The following HSPB6 variants were observed in gnomAD, a reference collection of about 807,000 sequenced individuals.
The protein encoded by HSPB6 is heat shock protein family B (small) member 6, also known as heat shock protein beta-6.
A neutral mutation model predicts 10.7 loss-of-function variants in HSPB6; 8 were observed. That is an observed-to-expected ratio of 0.75 (90% CI 0.44 to 1.35). The LOEUF (loss-of-function observed/expected upper bound fraction) is 1.35, where lower values mean the gene tolerates loss of function less well. Among genes scored for constraint, HSPB6 ranks in the 40% most tolerant of loss-of-function variants. The probability of loss-of-function intolerance (pLI) is 0.00; values close to 1 mark genes in which losing one functional copy is unlikely to be tolerated. For synonymous variants in HSPB6, 128 were observed against 114.2 expected (o/e 1.12, Z -0.77); for missense variants, 232 against 236.0 (o/e 0.98, Z 0.11).
Position 35,755,090 on chromosome 19 carries a change from T to C in HSPB6, c.*432A>G. The C allele has an allele frequency of 3.5e-6, 1 of 286,846 alleles. No individual in the cohort carries two copies. Among genetic ancestry groups the C allele is most frequent in the South Asian group, 2.9e-5 (1 of 34,132 alleles). 17.8% of individuals were successfully genotyped at this position (286,846 alleles called of 1,614,324 possible). On this transcript the variant is annotated 3_prime_UTR_variant, in exon 3 of 3. Transcript: ENST00000004982. The stretch of plus-strand genomic sequence containing the variant: ...GGGATTGTGCCTGACTGGCCTGGGG[T>C]TGGGGGAGGGCTGTCTACACCATAA...
Position 35,755,258 on chromosome 19 carries a change from T to C in HSPB6, c.*264A>G. Reference sequence around the variant, plus strand: ...TGGGGCTGAGACTGTCGGCTGAGGGTTAGGGTAGTGCTGGTAGGGTCTGGA... The same window carrying C: ...TGGGGCTGAGACTGTCGGCTGAGGGCTAGGGTAGTGCTGGTAGGGTCTGGA... On this transcript the variant is annotated 3_prime_UTR_variant, in exon 3 of 3. Coordinates refer to ENST00000004982, the MANE Select transcript of HSPB6 (RefSeq NM_144617.3). The C allele has an allele frequency of 1.6e-6, 1 of 621,972 alleles. No homozygotes were observed. The highest frequency in any genetic ancestry group is 2.8e-6 in the Non-Finnish European group (1 of 350,978). The allele number at this position is 621,972 out of a possible 1,614,324, so 38.5% of individuals were successfully genotyped here. A position where few individuals can be genotyped will look rare whatever the true frequency, so the allele number is the denominator to read the frequency against.
At position 35,757,017 on chromosome 19, in the gene HSPB6, T is replaced by A. The variant is rs776326016; in HGVS notation, c.-9A>T. 6.5e-7 allele frequency: 1 copy of A among 1,545,872 alleles called. No individual in the cohort carries two copies. The highest frequency in any genetic ancestry group is 1.2e-5 in the South Asian group (1 of 84,044). On this transcript the variant is annotated 5_prime_UTR_variant, in exon 1 of 3. Transcript: ENST00000004982. ...GGCACAGGGATCTCCATCCTGCTCC[T>A]CCGCGTTGCAGTGCCCCTGCGTGCG...
Position 35,755,657 on chromosome 19 carries a change from C to A in HSPB6, c.348G>T (p.Glu116Asp). 1 of 1,534,580 alleles carries A rather than the reference C, an allele frequency of 6.5e-7. No homozygotes were observed. The highest frequency in any genetic ancestry group is 8.7e-7 in the Non-Finnish European group (1 of 1,144,172). The change falls in exon 3 of 3, where the codon GAG becomes GAT. Residue 116 changes from glutamate to aspartate, a missense_variant. By Grantham distance (45) the Glu-to-Asp change is conservative (BLOSUM62 2). Coordinates refer to ENST00000004982, the MANE Select transcript of HSPB6 (RefSeq NM_144617.3). ...GCGGCAGGCGGTAGCGACGGTGGAA[C>A]TCGCGCGCGACGAATCCGTGCTCAT... The part of the protein sequence containing the change: ...RPDEHGFVAR[E>D]FHRRYRLPPG...
chr19:35,754,781 G>A lies in HSPB6; in HGVS notation c.*741C>T. ...AGGGGGATGGGGTCTGGTTAGAGTT[G>A]GGGAGGGGGCCTAGGACATCCGTGC... On this transcript the variant is annotated 3_prime_UTR_variant, in exon 3 of 3. Transcript: ENST00000004982. 6.4e-6 allele frequency: 3 copies of A among 470,666 alleles called. No homozygotes were observed. The South Asian group carries it at 6.4e-5, about 10-fold the overall frequency. The allele number at this position is 470,666 out of a possible 1,614,324, so 29.2% of individuals were successfully genotyped here. A position where few individuals can be genotyped will look rare whatever the true frequency, so the allele number is the denominator to read the frequency against.
chr19:35,755,646 C>T lies in HSPB6; in HGVS notation c.359G>A (p.Arg120His). The part of the protein sequence containing the change: ...HGFVAREFHR[R>H]YRLPPGVDPA... Reference sequence around the variant, plus strand: ...ATCCACGCCAGGCGGCAGGCGGTAGCGACGGTGGAACTCGCGCGCGACGAA... The same window carrying T: ...ATCCACGCCAGGCGGCAGGCGGTAGTGACGGTGGAACTCGCGCGCGACGAA... The change falls in exon 3 of 3, where the codon CGC (arginine) becomes CAC (histidine). Residue 120 changes from arginine (R) to histidine (H), a missense_variant. Coordinates refer to ENST00000004982, the MANE Select transcript of HSPB6 (RefSeq NM_144617.3). The T allele has an allele frequency of 6.5e-7, 1 of 1,534,004 alleles. No homozygotes were observed. Among genetic ancestry groups the T allele is most frequent in the Non-Finnish European group, 8.7e-7 (1 of 1,144,370 alleles).
chr19:35,755,450 G>T lies in HSPB6; in HGVS notation c.*72C>A, dbSNP rs749062434. 2.1e-5 allele frequency: 30 copies of T among 1,447,658 alleles called. No individual in the cohort carries two copies. The South Asian group carries it at 2.2e-4, about 11-fold the overall frequency. The allele number at this position is 1,447,658 out of a possible 1,614,324, so 89.7% of individuals were successfully genotyped here. ...TGGCGCACTCGGGACATCTGGCTGG[G>T]CGGAGTCAGATCGGCTTTAATAGAG... On this transcript the variant is annotated 3_prime_UTR_variant, in exon 3 of 3. Transcript: ENST00000004982.
In HSPB6 at chr19:35,755,838, C is replaced by T. The variant is rs781461308; in HGVS notation, c.255G>A (p.Pro85=). The T allele has an allele frequency of 5.0e-6, 8 of 1,594,370 alleles. No individual in the cohort carries two copies. In the South Asian group the frequency reaches 6.8e-5, roughly 14 times the overall value. Residue 85 remains proline (P), a synonymous_variant, in exon 2 of 3, where the codon CCG becomes CCA. Transcript: ENST00000004982. ...CCACCACCTTGACAGCAATTTCCTC[C>T]GGCGAGAAGTGCTTCACGTCTAGCA... The part of the protein sequence containing the change: ...SVLLDVKHFS[P]EEIAVKVVGE...
In HSPB6 at chr19:35,755,814, C is replaced by G. The variant is rs1435418315; in HGVS notation, c.279G>C (p.Val93=). The change falls in exon 2 of 3, where the codon GTG becomes GTC. Residue 93 remains valine (V), a synonymous_variant. Coordinates refer to ENST00000004982, the MANE Select transcript of HSPB6 (RefSeq NM_144617.3). ...FSPEEIAVKV[V]GEHVEVHARH... ...GCGCGTGCACCTCCACGTGTTCGCCCACCACCTTGACAGCAATTTCCTCCG... is the reference window on the plus strand; with the variant it reads ...GCGCGTGCACCTCCACGTGTTCGCCGACCACCTTGACAGCAATTTCCTCCG... 1 of 1,597,088 alleles carries G rather than the reference C, an allele frequency of 6.3e-7. No individual in the cohort carries two copies. The highest frequency in any genetic ancestry group is 1.7e-5 in the Admixed American group (1 of 58,334).
At position 35,755,402 on chromosome 19, in the gene HSPB6, G is replaced by C; in HGVS notation, c.*120C>G. ...AGGATGGAGGTCAGGGCAGAATCCA[G>C]GAGTGGGTGAGAGGACAGTCCTTGG... On this transcript the variant is annotated 3_prime_UTR_variant, in exon 3 of 3. Transcript: ENST00000004982. The C allele has an allele frequency of 9.8e-7, 1 of 1,021,072 alleles. No homozygotes were observed. The highest frequency in any genetic ancestry group is 1.5e-6 in the Non-Finnish European group (1 of 679,210). 63.3% of individuals were successfully genotyped at this position (1,021,072 alleles called of 1,614,324 possible).
chr19:35,756,661 G>T, intron 1 of HSPB6, 150 bp downstream of exon 1: 1 of 787,484 alleles, frequency 1.3e-6, no homozygotes, highest in Non-Finnish European at 2.0e-6. Flanking sequence ...GCGGGCCTCA[G>T]ATTCCCATTG....
At position 35,756,904 on chromosome 19, in the gene HSPB6, C is replaced by T. The variant is rs62109458; in HGVS notation, c.105G>A (p.Glu35=). The change falls in exon 1 of 3, where the codon GAG becomes GAA. Residue 35 remains glutamate, a synonymous_variant. Coordinates refer to ENST00000004982, the MANE Select transcript of HSPB6 (RefSeq NM_144617.3). ...CAGCCAGCTCGGCCTCCAGCAGCCC[C>T]TCGCCGAAGCGCTGGTCAAAGAGGC... ...PGRLFDQRFG[E]GLLEAELAAL... is the part of the protein sequence containing the mutation. The T allele has an allele frequency of 6.5e-7, 1 of 1,539,532 alleles. No individual in the cohort carries two copies. Among genetic ancestry groups the T allele is most frequent in the South Asian group, 1.2e-5 (1 of 83,886 alleles).
Position 35,754,644 on chromosome 19 carries a change from G to GAAAGACTAA in HSPB6, c.*877_*878insTTAGTCTTT, listed in dbSNP as rs1970730368. On this transcript the variant is annotated 3_prime_UTR_variant, in exon 3 of 3. Transcript: ENST00000004982. ...GAGTGGTGGCAGGGAGAAAGGCTGT[G>GAAAGACTAA]GGGAATCAGAGCGGGTGCTCAGTTG... 1.5e-6 allele frequency: 1 copy of GAAAGACTAA among 679,438 alleles called. No individual in the cohort carries two copies. Among genetic ancestry groups the GAAAGACTAA allele is most frequent in the African/African-American group, 1.8e-5 (1 of 56,568 alleles). 42.1% of individuals were successfully genotyped at this position (679,438 alleles called of 1,614,324 possible).
Position 35,754,661 on chromosome 19 carries a change from G to T in HSPB6, c.*861C>A. On this transcript the variant is annotated 3_prime_UTR_variant, in exon 3 of 3. Coordinates refer to ENST00000004982, the MANE Select transcript of HSPB6 (RefSeq NM_144617.3). ...AAGGCTGTGGGGAATCAGAGCGGGTGCTCAGTTGGGTCTTGAAGGAGAAGA... is the reference window on the plus strand; with the variant it reads ...AAGGCTGTGGGGAATCAGAGCGGGTTCTCAGTTGGGTCTTGAAGGAGAAGA... 1.6e-6 allele frequency: 1 copy of T among 639,940 alleles called. No homozygotes were observed. 39.6% of individuals were successfully genotyped at this position (639,940 alleles called of 1,614,324 possible).
rs1568403646 is a variant in HSPB6 at position 35,755,772 on chromosome 19, CG to C, written c.320del (p.Pro107ArgfsTer26). ...AGCCCCGCCCCACGCCGCGGCTCAC[CG>C]GGCGCTCCTCGTGGCGCGCGTGCAC... Reference protein sequence around the residue: ...VEVHARHEERPDEHGFVAREF... With the variant: ...VEVHARHEERXDEHGFVAREF... On this transcript the variant is annotated frameshift_variant and splice_region_variant, in exon 2 of 3. Coordinates refer to ENST00000004982, the MANE Select transcript of HSPB6 (RefSeq NM_144617.3). LOFTEE classifies it high-confidence loss of function. 3.2e-6 allele frequency: 5 copies of C among 1,580,728 alleles called. No homozygotes were observed. In the South Asian group the frequency reaches 4.6e-5, roughly 15 times the overall value.
At chr19:35,756,279 T>C (rs1461149740) in intron 1 of HSPB6, among the ~76,000 whole-genome samples, 1 of 151,764 alleles carries the variant, frequency 6.6e-6, no homozygotes, top group African/African-American at 2.4e-5. Flanking sequence ...GATGCCCCTT[T>C]CCCCGTCTCC....
rs1012164378 is a variant in HSPB6, at chr19:35,754,702, G to A, written c.*820C>T. On this transcript the variant is annotated 3_prime_UTR_variant, in exon 3 of 3. Coordinates refer to ENST00000004982, the MANE Select transcript of HSPB6 (RefSeq NM_144617.3). ...AAGGAGAAGAGGAGGAGGGTGGGAG[G>A]TGGGTTGCCGAGGATATCTGGTTGA... 1 of 589,816 alleles carries A rather than the reference G, an allele frequency of 1.7e-6. No homozygotes were observed. The highest frequency in any genetic ancestry group is 3.0e-6 in the Non-Finnish European group (1 of 329,542). 36.5% of individuals were successfully genotyped at this position (589,816 alleles called of 1,614,324 possible).
At position 35,754,882 on chromosome 19, in the gene HSPB6, G is replaced by A. The variant is rs1427068762; in HGVS notation, c.*640C>T. 2 of 317,612 alleles carry A rather than the reference G, an allele frequency of 6.3e-6. No individual in the cohort carries two copies. Among genetic ancestry groups the A allele is most frequent in the African/African-American group, 4.3e-5 (2 of 46,546 alleles). 19.7% of individuals were successfully genotyped at this position (317,612 alleles called of 1,614,324 possible). ...GTTCTAGTTGGCCTGGTGTCCAAGA[G>A]TTGGGGCAGTCGAAAAAGGGTTCCA... On this transcript the variant is annotated 3_prime_UTR_variant, in exon 3 of 3. Transcript: ENST00000004982.
Position 35,755,796 on chromosome 19 carries a change from C to A in HSPB6, c.297G>T (p.Val99=). Residue 99 remains valine (V), a synonymous_variant, in exon 2 of 3, where the codon GTG becomes GTT. Coordinates refer to ENST00000004982, the MANE Select transcript of HSPB6 (RefSeq NM_144617.3). The stretch of plus-strand genomic sequence containing the variant: ...CCGGGCGCTCCTCGTGGCGCGCGTG[C>A]ACCTCCACGTGTTCGCCCACCACCT... ...AVKVVGEHVE[V]HARHEERPDE... is the part of the protein sequence containing the mutation. 1 of 1,593,622 alleles carries A rather than the reference C, an allele frequency of 6.3e-7. No individual in the cohort carries two copies.
At position 35,755,056 on chromosome 19, in the gene HSPB6, G is replaced by C. The variant is rs1054529461; in HGVS notation, c.*466C>G. On this transcript the variant is annotated 3_prime_UTR_variant, in exon 3 of 3. Coordinates refer to ENST00000004982, the MANE Select transcript of HSPB6 (RefSeq NM_144617.3). ...AGGTCTGTGCAGTCCAGGACGTTTG[G>C]GGGGTGGGGGGATTGTGCCTGACTG... 14 of 307,010 alleles carry C rather than the reference G, an allele frequency of 4.6e-5. No individual in the cohort carries two copies. The Admixed American group carries it at 6.2e-4, about 14-fold the overall frequency. The allele number at this position is 307,010 out of a possible 1,614,324, so 19.0% of individuals were successfully genotyped here. A position where few individuals can be genotyped will look rare whatever the true frequency, so the allele number is the denominator to read the frequency against.
Sources: gnomAD v4.1 joint callset for allele counts (sites outside exome capture counted in the v4.1 genomes callset) on GRCh38, gnomAD v4.1.1 for gene constraint, MANE v1.5 for transcripts, NCBI Gene and HGNC (gene_info 2026-07-23, HGNC 2026-07-21) for gene names.